APBB2: variants seen among roughly 807,000 people sequenced by gnomAD.
APBB2 encodes amyloid beta precursor protein binding family B member 2.
A neutral mutation model predicts 82.5 loss-of-function variants in APBB2; 38 were observed. The observed-to-expected ratio is 0.46, with a 90% CI of 0.36 to 0.60. The LOEUF (loss-of-function observed/expected upper bound fraction) is 0.60, where lower values mean the gene tolerates loss of function less well. Ranked by LOEUF, APBB2 falls within the 20% of genes least tolerant of loss-of-function variation. The probability of loss-of-function intolerance (pLI) is 0.00; values close to 1 mark genes in which losing one functional copy is unlikely to be tolerated. For synonymous variants in APBB2, 341 were observed against 368.2 expected, an observed-to-expected ratio of 0.93 and a Z score of 0.85; for missense variants, 772 against 972.3, an observed-to-expected ratio of 0.79 and a Z score of 2.74.
At chr4:40,923,139 C>A (rs1402474544) in intron 10 of APBB2, among the ~76,000 whole-genome samples, 3 of 151,750 alleles carry the variant, frequency 2.0e-5, no homozygotes, top group Non-Finnish European at 4.4e-5. Context: ...CCGCGCCCGG[C>A]TAATTTTTTG....
chr4:41,102,546 A>T (rs1745839517), intron 2 of APBB2, among the ~76,000 whole-genome samples: 1 of 152,260 alleles, frequency 6.6e-6, no homozygotes, highest in African/African-American at 2.4e-5. Context: ...ATACTAGGTT[A>T]TCGCAGAAGG....
intron 4 of APBB2, among the ~76,000 whole-genome samples, chr4:41,044,883 C>T (rs1722828853): frequency 6.6e-6 from 1 of 151,902 alleles, no homozygotes; most frequent in Non-Finnish European, 1.5e-5. Flanking sequence ...CAATTTTTTT[C>T]CAGAAAACTT....
chr4:41,154,201 C>A (rs1275944669), intron 1 of APBB2, among the ~76,000 whole-genome samples: 1 of 152,206 alleles, frequency 6.6e-6, no homozygotes, highest in African/African-American at 2.4e-5. Flanking sequence ...ACTGATTAAC[C>A]TTTGGAGGCA....
rs898106980 is a variant in APBB2, at chr4:40,810,630, T to G, written c.*5462A>C. 1 of 151,466 alleles carries G rather than the reference T, an allele frequency of 6.6e-6. No individual in the cohort carries two copies. Among genetic ancestry groups the G allele is most frequent in the Non-Finnish European group, 1.5e-5 (1 of 67,858 alleles). The allele number at this position is 151,466 out of a possible 1,614,324, so 9.4% of individuals were successfully genotyped here. ...TCAATGAAGAAAGGAAACAAGACTT[T>G]TTATAGTTGAACCAGGCTTATTGTA... is the stretch of plus-strand genomic sequence containing the variant. On this transcript the variant is annotated 3_prime_UTR_variant, in exon 18 of 18. Transcript: ENST00000508593.
chr4:40,994,616 C>T (rs1803104252), intron 6 of APBB2, among the ~76,000 whole-genome samples: 1 of 151,804 alleles, frequency 6.6e-6, no homozygotes, highest in African/African-American at 2.4e-5. Flanking sequence ...AGATTGACAC[C>T]ATCCTGGCTA....
intron 1 of APBB2, among the ~76,000 whole-genome samples, chr4:41,192,127 G>A (rs767872939): frequency 6.6e-6 from 1 of 152,136 alleles, no homozygotes; most frequent in Non-Finnish European, 1.5e-5. Flanking sequence ...TGTCAAAAAA[G>A]TCAAGAGATA....
chr4:40,834,786 C>T (rs1339264197), intron 12 of APBB2, among the ~76,000 whole-genome samples: 1 of 152,088 alleles, frequency 6.6e-6, no homozygotes, highest in Non-Finnish European at 1.5e-5. Context: ...GGATTCTCCC[C>T]GAGAGCCCCT....
chr4:40,975,964 CT>C (rs1289683074), intron 6 of APBB2, among the ~76,000 whole-genome samples: 10 of 151,056 alleles, frequency 6.6e-5, no homozygotes, highest in South Asian at 2.1e-4. Context: ...TACTCAAATG[CT>C]TTTTTTTTCT....
At chr4:41,005,820 G>A (rs112394212) in intron 6 of APBB2, among the ~76,000 whole-genome samples, 236 of 152,342 alleles carry the variant, frequency 1.5e-3, no homozygotes, top group African/African-American at 5.5e-3. Context: ...AGCTCTGAGG[G>A]ACAATGCTCT....
At chr4:41,063,401 G>C (rs1320490723) in intron 4 of APBB2, among the ~76,000 whole-genome samples, 1 of 152,254 alleles carries the variant, frequency 6.6e-6, no homozygotes, top group African/African-American at 2.4e-5. Context: ...CTGTTATACA[G>C]GGTACAGGTG....
chr4:40,840,629 T>C (rs1755484518), intron 12 of APBB2, among the ~76,000 whole-genome samples: 1 of 152,180 alleles, frequency 6.6e-6, no homozygotes. Flanking sequence ...CTAAGTTTTT[T>C]AGCCTCCGAA....
intron 6 of APBB2, among the ~76,000 whole-genome samples, chr4:40,998,490 A>G (rs1343116987): frequency 6.6e-6 from 1 of 152,234 alleles, no homozygotes; most frequent in Non-Finnish European, 1.5e-5. Flanking sequence ...TAACATCAAA[A>G]AAGAATATCC....
At chr4:41,054,846 G>A (rs1349052863) in intron 4 of APBB2, among the ~76,000 whole-genome samples, 1 of 151,794 alleles carries the variant, frequency 6.6e-6, no homozygotes, top group East Asian at 1.9e-4. Context: ...ACCATACGGG[G>A]GAGAAGCCTC....
chr4:41,149,526 T>C (rs1177810872), intron 1 of APBB2, among the ~76,000 whole-genome samples: 1 of 152,054 alleles, frequency 6.6e-6, no homozygotes. Context: ...GATCTACACA[T>C]TAATCTCTAA....
chr4:40,975,244 G>A (rs1280984393), intron 6 of APBB2, among the ~76,000 whole-genome samples: 1 of 152,142 alleles, frequency 6.6e-6, no homozygotes, highest in Admixed American at 6.5e-5. Flanking sequence ...ACATAAATCC[G>A]AGTAAACAGG....
At chr4:41,206,715 C>A (rs1778024118) in intron 1 of APBB2, among the ~76,000 whole-genome samples, 1 of 152,172 alleles carries the variant, frequency 6.6e-6, no homozygotes, top group South Asian at 2.1e-4. Flanking sequence ...TTAGTTCCCC[C>A]AGGAATGAAA....
chr4:41,037,398 T>C (rs796602566), intron 4 of APBB2, among the ~76,000 whole-genome samples: 10 of 152,348 alleles, frequency 6.6e-5, no homozygotes, highest in African/African-American at 2.4e-4. Flanking sequence ...TAATTTCACC[T>C]TTTTAAAAGT....
intron 6 of APBB2, among the ~76,000 whole-genome samples, chr4:40,968,909 G>A (rs867929379): frequency 3.9e-5 from 6 of 152,232 alleles, no homozygotes; most frequent in African/African-American, 1.4e-4. Flanking sequence ...TTGAATCATG[G>A]GGGAGGTTTC....
chr4:41,199,135 T>C (rs1776066262), intron 1 of APBB2, among the ~76,000 whole-genome samples: 1 of 150,700 alleles, frequency 6.6e-6, no homozygotes, highest in Non-Finnish European at 1.5e-5. Context: ...TATGAAGTAT[T>C]AGGACTTCAA....
Sources: allele counts gnomAD v4.1 joint callset (sites outside exome capture counted in the v4.1 genomes callset), GRCh38; gene constraint gnomAD v4.1.1; transcripts MANE v1.5; gene names NCBI Gene and HGNC (gene_info 2026-07-23, HGNC 2026-07-21).